Variants in ERC1 observed in about 807,000 individuals in gnomAD.
ERC1 encodes RAB6 interacting protein 2.
ERC1 carries 56 observed loss-of-function variants against 132.0 expected under a neutral mutation model. The observed-to-expected ratio is 0.42, with a 90% CI of 0.34 to 0.53. ERC1 has a LOEUF of 0.53. ERC1 is among the 20% of genes least tolerant of loss of function. ERC1 has a pLI of 0.03. For synonymous variants in ERC1, 478 were observed against 476.1 expected (o/e 1.00, Z -0.05); for missense variants, 1,202 against 1,349.9 (o/e 0.89, Z 1.72).
At chr12:1,457,894 AAAAAAG>A (rs753283866) in intron 18 of ERC1, among the ~76,000 whole-genome samples, 67 of 152,298 alleles carry the variant, frequency 4.4e-4, no homozygotes, top group African/African-American at 4.8e-4. Flanking sequence ...CCCTGTCTCA[AAAAAAG>A]AAAAAGAAAA....
At chr12:1,249,689 G>A (rs1338577806) in intron 13 of ERC1, among the ~76,000 whole-genome samples, 1 of 152,140 alleles carries the variant, frequency 6.6e-6, no homozygotes, top group Non-Finnish European at 1.5e-5. Context: ...TGGTCTCTTA[G>A]TCTATTTGGG....
intron 18 of ERC1, among the ~76,000 whole-genome samples, chr12:1,483,974 G>A (rs1006320212): frequency 1.7e-4 from 26 of 151,772 alleles, no homozygotes; most frequent in Admixed American, 1.6e-3. Context: ...GATTATAGGC[G>A]TGAGCCGCTG....
At chr12:1,441,462 C>T (rs971330006) in intron 17 of ERC1, among the ~76,000 whole-genome samples, 3 of 152,210 alleles carry the variant, frequency 2.0e-5, no homozygotes, top group African/African-American at 7.2e-5. Context: ...TTCTGTTTTA[C>T]TATAAGGAAT....
chr12:1,007,844 G>A (rs1316069346), intron 1 of ERC1, among the ~76,000 whole-genome samples: 1 of 152,092 alleles, frequency 6.6e-6, no homozygotes. Flanking sequence ...AAATTCAAGA[G>A]TATGCACAGA....
chr12:1,080,037 A>G (rs1043722435), intron 2 of ERC1, among the ~76,000 whole-genome samples: 5 of 152,370 alleles, frequency 3.3e-5, no homozygotes, highest in African/African-American at 1.2e-4. Flanking sequence ...ACATATGTGA[A>G]GGTGCATCTT....
At chr12:1,396,351 G>A (rs532828297) in intron 16 of ERC1, among the ~76,000 whole-genome samples, 2 of 152,164 alleles carry the variant, frequency 1.3e-5, no homozygotes, top group Non-Finnish European at 2.9e-5. Flanking sequence ...TCGTAGGAAA[G>A]GTGGGAGCTA....
intron 16 of ERC1, among the ~76,000 whole-genome samples, chr12:1,387,960 A>G (rs1023657320): frequency 3.9e-5 from 6 of 152,244 alleles, no homozygotes; most frequent in African/African-American, 7.2e-5. Context: ...TCTCTGCTTA[A>G]TCACTAGCAT....
intron 16 of ERC1, among the ~76,000 whole-genome samples, chr12:1,385,471 G>A (rs1240758122): frequency 1.3e-5 from 2 of 152,116 alleles, no homozygotes; most frequent in Non-Finnish European, 2.9e-5. Flanking sequence ...TTTTAGTAGA[G>A]ACGGGGGTTT....
At chr12:992,098 C>G (rs10774482) in intron 1 of ERC1, among the ~76,000 whole-genome samples, 85,107 of 151,910 alleles carry the variant, frequency 0.56, 25,062 homozygotes, top group East Asian at 0.8. Flanking sequence ...GTTTAGACAA[C>G]TTCGTTCCGG....
At chr12:1,358,624 T>A (rs899510260) in intron 15 of ERC1, among the ~76,000 whole-genome samples, 2 of 152,320 alleles carry the variant, frequency 1.3e-5, no homozygotes, top group Non-Finnish European at 2.9e-5. Context: ...ATTTCTTTCA[T>A]GTTTGAGAGC....
intron 12 of ERC1, among the ~76,000 whole-genome samples, chr12:1,206,408 A>G (rs1305823944): frequency 6.6e-6 from 1 of 151,980 alleles, no homozygotes; most frequent in Non-Finnish European, 1.5e-5. Flanking sequence ...TAGCTGTAGT[A>G]TTTGTATTTT....
chr12:1,061,674 C>G (rs1023452625), intron 2 of ERC1, among the ~76,000 whole-genome samples: 1 of 151,564 alleles, frequency 6.6e-6, no homozygotes, highest in Non-Finnish European at 1.5e-5. Context: ...TTATATGTGT[C>G]TCTCTCTAAT....
chr12:1,447,621 G>C (rs2154414041), intron 18 of ERC1, among the ~76,000 whole-genome samples: 1 of 150,380 alleles, frequency 6.6e-6, no homozygotes. Flanking sequence ...AAAACAGTTT[G>C]TCTTTGTTTT....
At chr12:1,414,400 A>G (rs2092005439) in intron 17 of ERC1, among the ~76,000 whole-genome samples, 1 of 152,142 alleles carries the variant, frequency 6.6e-6, no homozygotes, top group Non-Finnish European at 1.5e-5. Flanking sequence ...TTATAAAGGC[A>G]CTAATTCTAT....
chr12:1,153,706 A>C (rs1193382696), intron 8 of ERC1, among the ~76,000 whole-genome samples: 1 of 152,208 alleles, frequency 6.6e-6, no homozygotes, highest in Non-Finnish European at 1.5e-5. Flanking sequence ...GAGTTTGCCA[A>C]GCGGGGCAGG....
chr12:1,296,503 T>A (rs1173373620), intron 15 of ERC1, among the ~76,000 whole-genome samples: 1 of 134,586 alleles, frequency 7.4e-6, no homozygotes, highest in African/African-American at 2.8e-5. Flanking sequence ...AACCTCCGCC[T>A]CCTGGGTTCA....
intron 3 of ERC1, among the ~76,000 whole-genome samples, chr12:1,091,187 C>A (rs1480046717): frequency 6.6e-6 from 1 of 152,126 alleles, no homozygotes; most frequent in African/African-American, 2.4e-5. Flanking sequence ...CTGCACCCAG[C>A]CCCATTTTTA....
Position 1,180,282 on chromosome 12 carries a change from T to TGTGTGC in ERC1, c.1738-257_1738-256insTGTGCG, listed in dbSNP as rs1429193466. Among the ~76,000 whole-genome samples, 250 of 144,312 alleles carry TGTGTGC rather than the reference T, an allele frequency of 1.7e-3. 2 individuals carry two copies. Among genetic ancestry groups the TGTGTGC allele is most frequent in the African/African-American group, 4.4e-3 (171 of 38,520 alleles). 94.7% of individuals were successfully genotyped at this position (144,312 alleles called of 152,430 possible). A position where few individuals can be genotyped will look rare whatever the true frequency, so the allele number is the denominator to read the frequency against. ...GTGTGTGTGTGTGTGTGTGTGTGTG[T>TGTGTGC]GCGCGCACGCGTGTGCGCGCGCGCA... On this transcript the variant is annotated intron_variant, in intron 8 of 18. Transcript: ENST00000360905.
chr12:1,196,806 T>TTCTCTCTCTCTCTGTCTCTCTCTCTC (rs1956280963), intron 12 of ERC1, among the ~76,000 whole-genome samples: 4 of 90,320 alleles, frequency 4.4e-5, no homozygotes, highest in Non-Finnish European at 9.1e-5. Context: ...CGCACGCTAT[T>TTCTCTCTCTCTCTGTCTCTCTCTCTC]TCTCTCTCTC....
Sources: gnomAD v4.1 joint callset for allele counts (sites outside exome capture counted in the v4.1 genomes callset) on GRCh38, gnomAD v4.1.1 for gene constraint, MANE v1.5 for transcripts, NCBI Gene and HGNC (gene_info 2026-07-23, HGNC 2026-07-21) for gene names.